The following KCNQ3 variants were observed in gnomAD, a reference collection of about 807,000 sequenced individuals.
KCNQ3 encodes the protein potassium voltage-gated channel subfamily KQT member 3.
A neutral mutation model predicts 92.5 loss-of-function variants in KCNQ3; 30 were observed. The ratio of observed to expected loss-of-function variants is 0.32; its 90% CI spans 0.24 to 0.44. KCNQ3 has a LOEUF of 0.44. KCNQ3 is among the 20% of genes least tolerant of loss of function. The pLI is 1.00. For missense variants in KCNQ3, 913 were observed against 1,140.3 expected, an observed-to-expected ratio of 0.80 and a Z score of 2.87; for synonymous variants, 450 against 468.8, an observed-to-expected ratio of 0.96 and a Z score of 0.52.
chr8:132,350,190 C>T (rs114617440), intron 1 of KCNQ3, among the ~76,000 whole-genome samples: 2,470 of 152,226 alleles, frequency 0.016, 53 homozygotes, highest in African/African-American at 0.055. Flanking sequence ...GAGTTCAGAA[C>T]GTGTAATATC....
At chr8:132,184,579 T>C (rs934893095) in intron 2 of KCNQ3, among the ~76,000 whole-genome samples, 8 of 152,188 alleles carry the variant, frequency 5.3e-5, no homozygotes, top group Non-Finnish European at 7.3e-5. Context: ...ATCTTCATTC[T>C]GATGTGCTAA....
intron 9 of KCNQ3, among the ~76,000 whole-genome samples, chr8:132,161,452 A>C (rs1586785864): frequency 1.3e-5 from 2 of 152,108 alleles, no homozygotes; most frequent in Admixed American, 1.3e-4. Context: ...AACATGGTGA[A>C]ACCCCGTCTC....
At chr8:132,224,180 C>A (rs1430959121) in intron 1 of KCNQ3, among the ~76,000 whole-genome samples, 1 of 146,086 alleles carries the variant, frequency 6.8e-6, no homozygotes. Flanking sequence ...AGTGATTCTC[C>A]CACCTCAGCC....
intron 1 of KCNQ3, among the ~76,000 whole-genome samples, chr8:132,240,206 G>T (rs1350226381): frequency 4.0e-5 from 4 of 100,276 alleles, no homozygotes; most frequent in East Asian, 3.5e-4. Context: ...TTTTTTTTGA[G>T]ACGGAGTTTT....
In KCNQ3 at chr8:132,129,201, G is replaced by GAGTA. The variant is rs1293858822; in HGVS notation, c.*57_*60dup. 4.4e-6 allele frequency: 7 copies of GAGTA among 1,581,552 alleles called. No individual in the cohort carries two copies. The highest frequency in any genetic ancestry group is 4.5e-5 in the East Asian group (2 of 44,598). ...CCCCGCTGGTAAGCGTCGGGTGTAAGAGTAAGTGAACTATACAAAGTCTGT... is the reference window on the plus strand; with the variant it reads ...CCCCGCTGGTAAGCGTCGGGTGTAAGAGTAAGTAAGTGAACTATACAAAGTCTGT... On this transcript the variant is annotated 3_prime_UTR_variant, in exon 15 of 15. Transcript: ENST00000388996. The surrounding 1 kb of genome is among the most constrained non-coding windows in gnomAD (Gnocchi z 5.9).
intron 1 of KCNQ3, among the ~76,000 whole-genome samples, chr8:132,367,868 A>G (rs1050473343): frequency 1.3e-5 from 2 of 152,212 alleles, no homozygotes; most frequent in African/African-American, 4.8e-5. Context: ...TGAGAATCAG[A>G]ACTCCCAGAG....
At chr8:132,445,196 G>C (rs1443193788) in intron 1 of KCNQ3, among the ~76,000 whole-genome samples, 1 of 152,184 alleles carries the variant, frequency 6.6e-6, no homozygotes, top group African/African-American at 2.4e-5. Context: ...GCTCTTAATT[G>C]TGGCATTACA....
chr8:132,312,154 C>T (rs985350334), intron 1 of KCNQ3, among the ~76,000 whole-genome samples: 8 of 152,168 alleles, frequency 5.3e-5, no homozygotes, highest in Non-Finnish European at 8.8e-5. Flanking sequence ...TGATTTCAGA[C>T]TTCTTGTCTC....
chr8:132,178,556 G>A (rs575024580), intron 4 of KCNQ3, among the ~76,000 whole-genome samples: 1 of 152,248 alleles, frequency 6.6e-6, no homozygotes, highest in Non-Finnish European at 1.5e-5. Context: ...TTACCATTGA[G>A]GAGGCTCATT....
At chr8:132,408,738 C>T (rs1820566417) in intron 1 of KCNQ3, among the ~76,000 whole-genome samples, 1 of 152,198 alleles carries the variant, frequency 6.6e-6, no homozygotes, top group Non-Finnish European at 1.5e-5. Context: ...CGTTGGGGAG[C>T]ATGTTGCCAT....
At chr8:132,194,461 C>A (rs1827249884) in intron 1 of KCNQ3, among the ~76,000 whole-genome samples, 3 of 152,178 alleles carry the variant, frequency 2.0e-5, no homozygotes, top group Admixed American at 2.0e-4. Context: ...GAGAACTGTT[C>A]CATCCACTAA....
At chr8:132,323,442 T>A (rs1335090916) in intron 1 of KCNQ3, among the ~76,000 whole-genome samples, 1 of 152,250 alleles carries the variant, frequency 6.6e-6, no homozygotes, top group African/African-American at 2.4e-5. Context: ...ACAGGTTATA[T>A]GCGGCCCACA....
At position 132,395,551 on chromosome 8, in the gene KCNQ3, T is replaced by C. The variant is rs1465278461; in HGVS notation, c.386+84596A>G. On this transcript the variant is annotated intron_variant, in intron 1 of 14. Transcript: ENST00000388996. ...CCTTTTTAAAACTCAACCAAACATCTTAGCTCAGAGCAATTCAAAACACAA... is the reference window on the plus strand; with the variant it reads ...CCTTTTTAAAACTCAACCAAACATCCTAGCTCAGAGCAATTCAAAACACAA... 3.3e-5 allele frequency among the ~76,000 whole-genome samples: 5 copies of C among 152,222 alleles called. No homozygotes were observed. In the East Asian group the frequency reaches 9.6e-4, roughly 29 times the overall value.
chr8:132,148,711 G>T (rs1047589371), intron 9 of KCNQ3, among the ~76,000 whole-genome samples: 18 of 152,356 alleles, frequency 1.2e-4, no homozygotes, highest in South Asian at 4.1e-4. Flanking sequence ...AAATCAAAAG[G>T]AGGGAAAAGG....
intron 1 of KCNQ3, among the ~76,000 whole-genome samples, chr8:132,303,677 T>TACAC (rs1554642855): frequency 2.1e-4 from 18 of 86,000 alleles, no homozygotes; most frequent in Admixed American, 1.3e-3. Flanking sequence ...TATATATATA[T>TACAC]ACACACACAC....
intron 12 of KCNQ3, among the ~76,000 whole-genome samples, chr8:132,135,412 A>G (rs1737112670): frequency 6.6e-6 from 1 of 152,020 alleles, no homozygotes; most frequent in Non-Finnish European, 1.5e-5. Context: ...CATTAAGACT[A>G]TGCACCCTGA....
At chr8:132,364,636 A>G (rs1317427142) in intron 1 of KCNQ3, among the ~76,000 whole-genome samples, 1 of 152,110 alleles carries the variant, frequency 6.6e-6, no homozygotes, top group African/African-American at 2.4e-5. Context: ...AGGCAATTTT[A>G]TACAGTATTT....
intron 1 of KCNQ3, among the ~76,000 whole-genome samples, chr8:132,315,707 C>T (rs1817721931): frequency 6.6e-6 from 1 of 152,122 alleles, no homozygotes; most frequent in Non-Finnish European, 1.5e-5. Context: ...GGGCAATCCA[C>T]ATTCTTTATT....
chr8:132,215,200 T>C (rs558741199), intron 1 of KCNQ3, among the ~76,000 whole-genome samples: 1 of 152,322 alleles, frequency 6.6e-6, no homozygotes, highest in South Asian at 2.1e-4. Context: ...ACTTAATCTT[T>C]CTGAAACTTA....
Sources: allele counts gnomAD v4.1 joint callset (sites outside exome capture counted in the v4.1 genomes callset), GRCh38; gene constraint gnomAD v4.1.1; non-coding constraint Gnocchi (gnomAD v3.1); transcripts MANE v1.5; gene names NCBI Gene and HGNC (gene_info 2026-07-23, HGNC 2026-07-21).